SLIT3: variants seen among roughly 807,000 people sequenced by gnomAD.
SLIT3 encodes slit guidance ligand 3.
SLIT3 carries 68 observed loss-of-function variants against 184.0 expected under a neutral mutation model. That is an observed-to-expected ratio of 0.37 (90% confidence interval 0.30 to 0.45). The LOEUF (loss-of-function observed/expected upper bound fraction) is 0.45, where lower values mean the gene tolerates loss of function less well. Ranked by LOEUF, SLIT3 falls within the 20% of genes least tolerant of loss-of-function variation. SLIT3 has a pLI of 1.00. For synonymous variants in SLIT3, 831 were observed against 828.6 expected, an observed-to-expected ratio of 1.00 and a Z score of -0.05; for missense variants, 1,707 against 2,026.0, an observed-to-expected ratio of 0.84 and a Z score of 3.02.
At chr5:169,278,995 C>T (rs1010076612) in intron 1 of SLIT3, among the ~76,000 whole-genome samples, 2 of 152,102 alleles carry the variant, frequency 1.3e-5, no homozygotes, top group Non-Finnish European at 2.9e-5. Flanking sequence ...GGGAGAAAAT[C>T]CAGGAGGAAT....
At chr5:168,750,058 C>T (rs1443274460) in intron 18 of SLIT3, among the ~76,000 whole-genome samples, 1 of 152,188 alleles carries the variant, frequency 6.6e-6, no homozygotes, top group African/African-American at 2.4e-5. Context: ...TACTTCAGCC[C>T]TATCATATCT....
chr5:169,256,096 T>C (rs1254452965), intron 1 of SLIT3, among the ~76,000 whole-genome samples: 2 of 151,946 alleles, frequency 1.3e-5, no homozygotes, highest in Admixed American at 6.6e-5. Context: ...TATTTAGGTA[T>C]ACTATTTTTT....
At position 168,676,183 on chromosome 5, in the gene SLIT3, A is replaced by G. The variant is rs541994056; in HGVS notation, c.3687-2852T>C. 2.0e-5 allele frequency among the ~76,000 whole-genome samples: 3 copies of G among 151,584 alleles called. No homozygotes were observed. The South Asian group carries it at 6.3e-4, about 32-fold the overall frequency. On this transcript the variant is annotated intron_variant, in intron 32 of 35. Coordinates refer to ENST00000519560, the MANE Select transcript of SLIT3 (RefSeq NM_003062.4). ...CTCTCTTCCATCCATCCATCCATCC[A>G]TCCATCCATCCTTCATCTACCCTTC...
chr5:168,800,045 T>C (rs1756709098), intron 9 of SLIT3, among the ~76,000 whole-genome samples: 1 of 152,130 alleles, frequency 6.6e-6, no homozygotes, highest in South Asian at 2.1e-4. Context: ...TGGGAACTCT[T>C]GTTAGGATGT....
At chr5:168,842,488 G>GT (rs1294599549) in intron 6 of SLIT3, among the ~76,000 whole-genome samples, 1 of 87,256 alleles carries the variant, frequency 1.1e-5, no homozygotes, top group African/African-American at 3.8e-5. Flanking sequence ...TTTTTTTTTT[G>GT]TATCTGAGTA....
chr5:168,747,554 G>C (rs1053524988), intron 20 of SLIT3, among the ~76,000 whole-genome samples: 2 of 152,162 alleles, frequency 1.3e-5, no homozygotes, highest in African/African-American at 4.8e-5. Flanking sequence ...CAGTGCTCTT[G>C]GTGCATTCCA....
intron 4 of SLIT3, among the ~76,000 whole-genome samples, chr5:168,930,726 C>T (rs577632770): frequency 2.0e-5 from 3 of 152,086 alleles, no homozygotes; most frequent in South Asian, 4.2e-4. Flanking sequence ...GCCTGGAGAG[C>T]GCTTGGCAGC....
chr5:168,772,563 G>T, intron 14 of SLIT3: 1 of 553,568 alleles, frequency 1.8e-6, no homozygotes, highest in Non-Finnish European at 3.2e-6. Flanking sequence ...TCCTCCCCAT[G>T]CTTTTATTGT....
intron 4 of SLIT3, among the ~76,000 whole-genome samples, chr5:169,037,516 G>T (rs1278360669): frequency 6.6e-6 from 1 of 152,180 alleles, no homozygotes; most frequent in African/African-American, 2.4e-5. Context: ...ACTAATTAAA[G>T]TGTCAGGATG....
chr5:169,187,074 C>A (rs1038159017), intron 4 of SLIT3, among the ~76,000 whole-genome samples: 8 of 147,830 alleles, frequency 5.4e-5, no homozygotes, highest in African/African-American at 2.0e-4. Context: ...ATAAGTCCTC[C>A]ATCTGGCTGT....
chr5:168,977,342 A>G (rs149196359), intron 4 of SLIT3, among the ~76,000 whole-genome samples: 14 of 152,312 alleles, frequency 9.2e-5, no homozygotes, highest in African/African-American at 3.4e-4. Context: ...CCAGTGAGAC[A>G]TGGATTTGTG....
chr5:168,782,483 G>A (rs542536973), intron 12 of SLIT3, among the ~76,000 whole-genome samples: 21 of 152,282 alleles, frequency 1.4e-4, no homozygotes, highest in African/African-American at 4.6e-4. Context: ...CTCAGGGCAC[G>A]AGGGCTGGCT....
intron 10 of SLIT3, among the ~76,000 whole-genome samples, chr5:168,793,138 T>C (rs1187187243): frequency 2.6e-5 from 4 of 152,214 alleles, no homozygotes; most frequent in Non-Finnish European, 5.9e-5. Context: ...ACTCAACCTT[T>C]TAGTTTGTAC....
intron 4 of SLIT3, among the ~76,000 whole-genome samples, chr5:169,066,760 A>G (rs946165000): frequency 1.3e-5 from 2 of 152,220 alleles, no homozygotes; most frequent in African/African-American, 4.8e-5. Context: ...GTTGCTTACA[A>G]TATAATACAA....
intron 18 of SLIT3, 96 bp from the exon 19 acceptor site, chr5:168,749,731 A>G (rs1207406967): frequency 1.5e-6 from 2 of 1,320,718 alleles, no homozygotes; most frequent in Non-Finnish European, 2.1e-6. Context: ...GCCAGGAAGG[A>G]GGAGGTCTCA....
intron 32 of SLIT3, among the ~76,000 whole-genome samples, chr5:168,675,066 C>T (rs1456545042): frequency 1.3e-5 from 2 of 152,164 alleles, no homozygotes; most frequent in African/African-American, 4.8e-5. Flanking sequence ...CCAAATTGTG[C>T]TCTTTCCAGC....
chr5:169,127,282 G>A (rs990032866), intron 4 of SLIT3, among the ~76,000 whole-genome samples: 18 of 152,244 alleles, frequency 1.2e-4, no homozygotes, highest in African/African-American at 4.3e-4. Flanking sequence ...TAAAACTGCT[G>A]TAGCAACTTG....
At position 168,785,917 on chromosome 5, in the gene SLIT3, G is replaced by A. The variant is rs748137430; in HGVS notation, c.1141C>T (p.Leu381=). 6.2e-7 allele frequency: 1 copy of A among 1,612,178 alleles called. No homozygotes were observed. The highest frequency in any genetic ancestry group is 1.1e-5 in the South Asian group (1 of 91,022). Residue 381 remains leucine, a synonymous_variant, in exon 12 of 36, where the codon CTA becomes TTA. Coordinates refer to ENST00000519560, the MANE Select transcript of SLIT3 (RefSeq NM_003062.4). ...VKGLFDGLVS[L]QLLLLNANKI... is the part of the protein sequence containing the mutation. ...AAAGTTCCTACTCACAGCAGCTGTA[G>A]GGACACCAGCCCATCAAACAGTCCC...
chr5:169,183,516 T>G (rs1677087327), intron 4 of SLIT3, among the ~76,000 whole-genome samples: 1 of 152,196 alleles, frequency 6.6e-6, no homozygotes, highest in Non-Finnish European at 1.5e-5. Flanking sequence ...AATGGTCCAG[T>G]GCTGTTCAAC....
Sources: gnomAD v4.1 joint callset for allele counts (sites outside exome capture counted in the v4.1 genomes callset) on GRCh38, gnomAD v4.1.1 for gene constraint, MANE v1.5 for transcripts, NCBI Gene and HGNC (gene_info 2026-07-23, HGNC 2026-07-21) for gene names.